Variants in SLC9D1 observed in about 807,000 individuals in gnomAD.
The protein encoded by SLC9D1 is putative LAG1-interacting protein.
At chr13:113,506,922 G>C in the SLC9D1 span, among the ~76,000 whole-genome samples, 2 of 152,150 alleles carry the variant, frequency 1.3e-5, no homozygotes, top group African/African-American at 4.8e-5. Context: ...TGAAGTGCCT[G>C]CTTGGTGGTG....
At chr13:113,525,461 G>A in the SLC9D1 span, among the ~76,000 whole-genome samples, 28 of 152,186 alleles carry the variant, frequency 1.8e-4, no homozygotes, top group Admixed American at 1.4e-3. Flanking sequence ...ACTTTTTATC[G>A]TTAGAGTGTA....
At chr13:113,532,402 G>A in the SLC9D1 span, among the ~76,000 whole-genome samples, 1 of 152,104 alleles carries the variant, frequency 6.6e-6, no homozygotes, top group Non-Finnish European at 1.5e-5. Context: ...TCCCAGGCAA[G>A]GGGCTCTGTG....
chr13:113,508,999 G>A, the SLC9D1 span, among the ~76,000 whole-genome samples: 1 of 92,640 alleles, frequency 1.1e-5, no homozygotes, highest in Non-Finnish European at 2.1e-5. Flanking sequence ...TGGAGCTGCC[G>A]GTGTATGTTG....
the SLC9D1 span, chr13:113,503,518 T>A: frequency 6.2e-7 from 1 of 1,613,494 alleles, no homozygotes; most frequent in Non-Finnish European, 8.5e-7. Context: ...GTGGAGACAT[T>A]AGGAGAATTT....
the SLC9D1 span, among the ~76,000 whole-genome samples, chr13:113,545,043 A>G: frequency 6.8e-6 from 1 of 147,158 alleles, no homozygotes. Context: ...TGTTCCCCGC[A>G]TTCAGAAGCA....
At chr13:113,523,588 CT>C in the SLC9D1 span, among the ~76,000 whole-genome samples, 2 of 152,106 alleles carry the variant, frequency 1.3e-5, no homozygotes, top group South Asian at 2.1e-4. Context: ...GAATTCGTTC[CT>C]TGTTTTATTG....
the SLC9D1 span, among the ~76,000 whole-genome samples, chr13:113,521,685 C>T: frequency 2.0e-5 from 3 of 151,998 alleles, no homozygotes; most frequent in Non-Finnish European, 2.9e-5. Context: ...TGCTTGGGTT[C>T]GTATGGAGAG....
At chr13:113,502,137 G>A in the SLC9D1 span, among the ~76,000 whole-genome samples, 1 of 152,188 alleles carries the variant, frequency 6.6e-6, no homozygotes, top group East Asian at 1.9e-4. Flanking sequence ...TTCCAGTAAC[G>A]TGCTGGACCA....
the SLC9D1 span, among the ~76,000 whole-genome samples, chr13:113,502,302 C>T: frequency 6.6e-6 from 1 of 152,282 alleles, no homozygotes; most frequent in East Asian, 1.9e-4. Flanking sequence ...CAACCTCCGC[C>T]TCCCGGGTTC....
chr13:113,549,264 G>A, the SLC9D1 span, among the ~76,000 whole-genome samples: 25,029 of 151,000 alleles, frequency 0.17, 2,308 homozygotes, highest in Admixed American at 0.27. Flanking sequence ...CCACCCCCCC[G>A]TGCAGGCATC....
At chr13:113,523,118 CT>C in the SLC9D1 span, among the ~76,000 whole-genome samples, 81 of 141,216 alleles carry the variant, frequency 5.7e-4, 1 homozygote, top group South Asian at 6.6e-4. Flanking sequence ...GTAGTTCTCT[CT>C]TTTTTTTTTT....
the SLC9D1 span, chr13:113,495,683 ACTGCACCGCGGG>A: frequency 2.5e-6 from 4 of 1,611,784 alleles, no homozygotes; most frequent in Non-Finnish European, 3.4e-6. Context: ...GTGTGATCAA[ACTGCACCGCGGG>A]CGAGGGGTGG....
chr13:113,496,063 G>GGA, the SLC9D1 span: 1 of 1,412,274 alleles, frequency 7.1e-7, no homozygotes, highest in East Asian at 2.4e-5. Context: ...AGAGGGAGAG[G>GGA]GAGAGAGAGG....
the SLC9D1 span, among the ~76,000 whole-genome samples, chr13:113,521,449 A>G: frequency 1.4e-5 from 2 of 143,532 alleles, no homozygotes; most frequent in African/African-American, 2.7e-5. Context: ...GTTCTGTGGT[A>G]TGTCTGTAGG....
chr13:113,548,222 C>T, the SLC9D1 span: 9 of 1,507,220 alleles, frequency 6.0e-6, no homozygotes, highest in East Asian at 1.2e-4. Flanking sequence ...GCCTGTGGCT[C>T]GTCTGGGTTC....
chr13:113,535,040 GC>G, the SLC9D1 span: 2 of 141,984 alleles, frequency 1.4e-5, no homozygotes, highest in South Asian at 4.5e-4. The surrounding 1 kb of genome is among the most constrained non-coding windows in gnomAD (Gnocchi z 4.1). Flanking sequence ...CCAAGATCGT[GC>G]CACTGCACTC....
the SLC9D1 span, among the ~76,000 whole-genome samples, chr13:113,526,355 A>G: frequency 4.6e-5 from 7 of 152,248 alleles, no homozygotes; most frequent in East Asian, 1.9e-4. Context: ...TAAAAACCTT[A>G]AAGTTTATAA....
chr13:113,523,996 C>T, the SLC9D1 span: 2 of 405,590 alleles, frequency 4.9e-6, no homozygotes, highest in Non-Finnish European at 1.0e-5. Context: ...GATTTCAGTT[C>T]TTCTACATTT....
At chr13:113,547,519 A>G in the SLC9D1 span, 1 of 666,408 alleles carries the variant, frequency 1.5e-6, no homozygotes, top group Non-Finnish European at 2.6e-6. Flanking sequence ...CCACTGGGCC[A>G]CTGGACCCCG....
Sources: allele counts gnomAD v4.1 joint callset (sites outside exome capture counted in the v4.1 genomes callset), GRCh38; gene constraint gnomAD v4.1.1; non-coding constraint Gnocchi (gnomAD v3.1); transcripts MANE v1.5; gene names NCBI Gene and HGNC (gene_info 2026-07-23, HGNC 2026-07-21).